Variants in CST4 observed in about 807,000 individuals in gnomAD.
CST4 encodes the protein cystatin-S.
A neutral mutation model predicts 11.2 loss-of-function variants in CST4; 17 were observed. The ratio of observed to expected loss-of-function variants is 1.52; its 90% CI spans 1.04 to 2.27. The LOEUF (loss-of-function observed/expected upper bound fraction) is 2.27, where lower values mean the gene tolerates loss of function less well. CST4 is among the 30% of genes most tolerant of loss of function. The pLI is 0.00. For missense variants in CST4, 251 were observed against 180.2 expected, an observed-to-expected ratio of 1.39 and a Z score of -2.25; for synonymous variants, 93 against 70.1, an observed-to-expected ratio of 1.33 and a Z score of -1.63.
At chr20:23,687,640 G>T (rs1439447164) in intron 1 of CST4, among the ~76,000 whole-genome samples, 2 of 152,228 alleles carry the variant, frequency 1.3e-5, no homozygotes, top group Non-Finnish European at 1.5e-5. Context: ...CAAGTGTGAG[G>T]TTCAAGATAC....
At chr20:23,686,936 A>G in intron 2 of CST4, 152 bp downstream of exon 2, 2 of 700,080 alleles carry the variant, frequency 2.9e-6, no homozygotes, top group East Asian at 2.7e-5. Flanking sequence ...ACCCCCCCAT[A>G]AGTACATGAA....
chr20:23,687,463 C>G (rs1418392239), intron 1 of CST4, among the ~76,000 whole-genome samples: 3 of 152,194 alleles, frequency 2.0e-5, no homozygotes, highest in Non-Finnish European at 4.4e-5. Flanking sequence ...TGAGGGAACA[C>G]TGACTCTTTT....
rs1019770466 is a variant in CST4, at chr20:23,686,121, T to C, written c.343-144A>G. 9 of 843,814 alleles carry C rather than the reference T, an allele frequency of 1.1e-5. No individual in the cohort carries two copies. The East Asian group carries it at 2.1e-4, about 20-fold the overall frequency. The allele number at this position is 843,814 out of a possible 1,614,324, so 52.3% of individuals were successfully genotyped here. A position where few individuals can be genotyped will look rare whatever the true frequency, so the allele number is the denominator to read the frequency against. ...CCACCCCTGCTGAGTCCCAGAGCAC[T>C]GAACTAGAATGAGTAGTGACTGTAC... On this transcript the variant is annotated intron_variant, in intron 2 of 2. Coordinates refer to ENST00000217423, the MANE Select transcript of CST4 (RefSeq NM_001899.3).
At position 23,685,995 on chromosome 20, in the gene CST4, G is replaced by T. The variant is rs756730893; in HGVS notation, c.343-18C>A. 9 of 1,611,398 alleles carry T rather than the reference G, an allele frequency of 5.6e-6. No homozygotes were observed. In the East Asian group the frequency reaches 2.0e-4, roughly 36 times the overall value. On this transcript the variant is annotated intron_variant, in intron 2 of 2. Coordinates refer to ENST00000217423, the MANE Select transcript of CST4 (RefSeq NM_001899.3). ...AACTGTTTCTGTGAAAGGGAAGAGA[G>T]AGGGCCAATCAGTGTGGGTTACAGT...
rs1981125501 is a variant in CST4, at chr20:23,688,730, G to A, written c.228+12C>T. ...TAGGGCTCAGGACCCCTCGGGTGGAGGCAGCACCCACCTGCTCCCTGGCTC... is the reference window on the plus strand; with the variant it reads ...TAGGGCTCAGGACCCCTCGGGTGGAAGCAGCACCCACCTGCTCCCTGGCTC... On this transcript the variant is annotated intron_variant, in intron 1 of 2. Transcript: ENST00000217423. The A allele has an allele frequency of 1.2e-6, 2 of 1,613,796 alleles. No homozygotes were observed. The highest frequency in any genetic ancestry group is 1.7e-4 in the Middle Eastern group (1 of 6,034).
rs780248431 is a variant in CST4 at position 23,685,997 on chromosome 20, G to A, written c.343-20C>T. 3.7e-6 allele frequency: 6 copies of A among 1,610,494 alleles called. No individual in the cohort carries two copies. In the African/African-American group the frequency reaches 4.0e-5, roughly 11 times the overall value. The stretch of plus-strand genomic sequence containing the variant: ...CTGTTTCTGTGAAAGGGAAGAGAGA[G>A]GGCCAATCAGTGTGGGTTACAGTTA... On this transcript the variant is annotated intron_variant, in intron 2 of 2. Transcript: ENST00000217423.
intron 1 of CST4, 85 bp downstream of exon 1, chr20:23,688,657 G>T: frequency 8.1e-7 from 1 of 1,228,334 alleles, no homozygotes; most frequent in Non-Finnish European, 1.2e-6. Context: ...GAATGTGTCA[G>T]TGTTGATTTG....
intron 2 of CST4, 149 bp downstream of exon 2, chr20:23,686,939 T>C: frequency 1.4e-6 from 1 of 719,374 alleles, no homozygotes; most frequent in Non-Finnish European, 2.4e-6. Context: ...CCCCCATAAG[T>C]ACATGAACAC....
rs775767496 is a variant in CST4 at position 23,685,956 on chromosome 20, T to A, written c.364A>T (p.Ile122Phe). Residue 122 changes from isoleucine (I) to phenylalanine (F), a missense_variant, in exon 3 of 3, where the codon ATC (isoleucine) becomes TTC (phenylalanine). Ile to Phe is a conservative substitution (Grantham distance 21, BLOSUM62 0). Coordinates refer to ENST00000217423, the MANE Select transcript of CST4 (RefSeq NM_001899.3). ...LQKKQLCSFE[I>F]YEVPWEDRMS... ...CTGTCCTCCCAGGGAACTTCGTAGA[T>A]CTCGAAAGAGCACAACTGTTTCTGT... 1.9e-6 allele frequency: 3 copies of A among 1,613,954 alleles called. No individual in the cohort carries two copies. Among genetic ancestry groups the A allele is most frequent in the Non-Finnish European group, 2.5e-6 (3 of 1,179,900 alleles).
chr20:23,688,688 C>A, intron 1 of CST4, 54 bp downstream of exon 1: 1 of 1,545,984 alleles, frequency 6.5e-7, no homozygotes, highest in South Asian at 1.1e-5. Flanking sequence ...TCTTGGGGGT[C>A]CGGCAACAAA....
At chr20:23,686,234 G>C (rs1182051118) in intron 2 of CST4, among the ~76,000 whole-genome samples, 1 of 152,200 alleles carries the variant, frequency 6.6e-6, no homozygotes, top group Non-Finnish European at 1.5e-5. Flanking sequence ...AGCCCTGTGA[G>C]GAGCAGCCTG....
In CST4 at chr20:23,688,986, G is replaced by A; in HGVS notation, c.-17C>T. 1 of 1,611,116 alleles carries A rather than the reference G, an allele frequency of 6.2e-7. No homozygotes were observed. The highest frequency in any genetic ancestry group is 8.5e-7 in the Non-Finnish European group (1 of 1,177,852). On this transcript the variant is annotated 5_prime_UTR_variant, in exon 1 of 3. Coordinates refer to ENST00000217423, the MANE Select transcript of CST4 (RefSeq NM_001899.3). ...CCGGGCCATGGTCTCCTCAGAGGCA[G>A]AGCACAAAGCTGGAGCTGCAGGAGA...
chr20:23,687,116 G>T lies in CST4; in HGVS notation c.314C>A (p.Ala105Asp), dbSNP rs1273276197. The change falls in exon 2 of 3, where the codon GCC (alanine) becomes GAC (aspartate). Residue 105 changes from alanine to aspartate, a missense_variant. Ala to Asp is a moderately radical substitution (Grantham distance 126). Transcript: ENST00000217423. The part of the protein sequence containing the change: ...TKSQPNLDTC[A>D]FHEQPELQKK... ...CTGCAGTTCTGGCTGTTCATGGAAG[G>T]CACAGGTGTCCAAGTTGGGCTGGGA... The T allele has an allele frequency of 6.2e-7, 1 of 1,614,056 alleles. No individual in the cohort carries two copies. The highest frequency in any genetic ancestry group is 8.5e-7 in the Non-Finnish European group (1 of 1,180,044).
chr20:23,688,334 G>A (rs186133725), intron 1 of CST4, among the ~76,000 whole-genome samples: 3 of 152,350 alleles, frequency 2.0e-5, no homozygotes, highest in African/African-American at 7.2e-5. Context: ...AGGAAGAAGG[G>A]CTCTGCAGAA....
At chr20:23,687,378 T>G (rs532357259) in intron 1 of CST4, among the ~76,000 whole-genome samples, 177 bp from the exon 2 acceptor site, 3 of 152,306 alleles carry the variant, frequency 2.0e-5, no homozygotes, top group East Asian at 3.9e-4. Context: ...CTGAGCCTCA[T>G]GCCCGCTCTT....
chr20:23,686,750 A>C (rs977351409), intron 2 of CST4, among the ~76,000 whole-genome samples: 1 of 152,012 alleles, frequency 6.6e-6, no homozygotes, highest in African/African-American at 2.4e-5. Flanking sequence ...ATCTGCACAC[A>C]CATAGGCAAC....
Position 23,688,919 on chromosome 20 carries a change from C to T in CST4, c.51G>A (p.Gly17=). ...CCTCCTTGGAGCTCGAGGCCAGAGC[C>T]CCAGCCAGGGTAGCCATCAGGAGTA... The part of the protein sequence containing the change: ...TLLLLMATLA[G]ALASSSKEEN... Residue 17 remains glycine (G), a synonymous_variant, in exon 1 of 3, where the codon GGG becomes GGA. Transcript: ENST00000217423. 2 of 1,614,166 alleles carry T rather than the reference C, an allele frequency of 1.2e-6. No individual in the cohort carries two copies. The highest frequency in any genetic ancestry group is 1.1e-5 in the South Asian group (1 of 91,092).
chr20:23,688,678 T>C (rs753876351), intron 1 of CST4, 64 bp downstream of exon 1: 7 of 1,475,488 alleles, frequency 4.7e-6, no homozygotes, highest in Non-Finnish European at 6.6e-6. Flanking sequence ...CTTGGAATGC[T>C]CTTGGGGGTC....
intron 2 of CST4, 52 bp downstream of exon 2, chr20:23,687,036 A>T (rs1018728311): frequency 6.2e-7 from 1 of 1,609,836 alleles, no homozygotes; most frequent in Admixed American, 1.7e-5. Flanking sequence ...GCTGACACAT[A>T]CGCACCCCTC....
Sources: gnomAD v4.1 joint callset for allele counts (sites outside exome capture counted in the v4.1 genomes callset) on GRCh38, gnomAD v4.1.1 for gene constraint, MANE v1.5 for transcripts, NCBI Gene and HGNC (gene_info 2026-07-23, HGNC 2026-07-21) for gene names.